GSTO2: variants seen among roughly 807,000 people sequenced by gnomAD.
The protein encoded by GSTO2 is glutathione S-transferase omega 2, also known as glutathione S-transferase omega-2.
A neutral mutation model predicts 28.4 loss-of-function variants in GSTO2; 23 were observed. The ratio of observed to expected loss-of-function variants is 0.81; its 90% CI spans 0.58 to 1.15. The LOEUF (loss-of-function observed/expected upper bound fraction) is 1.15, where lower values mean the gene tolerates loss of function less well. Ranked by LOEUF, GSTO2 falls within the 50% of genes most tolerant of loss-of-function variation. The pLI is 0.00. For synonymous variants in GSTO2, 109 were observed against 111.0 expected (o/e 0.98, Z 0.11); for missense variants, 298 against 297.8 (o/e 1.00, Z 0.00).
At chr10:104,275,506 T>C (rs1323260691) in intron 3 of GSTO2, among the ~76,000 whole-genome samples, 172 bp downstream of exon 3, 2 of 152,184 alleles carry the variant, frequency 1.3e-5, no homozygotes, top group East Asian at 3.8e-4. Flanking sequence ...CGGGCCCTAC[T>C]GAAATGCGGA....
chr10:104,275,536 C>T (rs2011592904), intron 3 of GSTO2, among the ~76,000 whole-genome samples: 1 of 152,144 alleles, frequency 6.6e-6, no homozygotes, highest in Non-Finnish European at 1.5e-5. Flanking sequence ...CGAGTCACGC[C>T]TATGCATGAA....
chr10:104,286,626 C>T (rs2012442149), intron 5 of GSTO2, among the ~76,000 whole-genome samples: 1 of 152,110 alleles, frequency 6.6e-6, no homozygotes, highest in Admixed American at 6.5e-5. Context: ...AACCACCATT[C>T]TTTCACACTT....
At chr10:104,285,980 A>G (rs544594635) in intron 5 of GSTO2, 35 of 360,800 alleles carry the variant, frequency 9.7e-5, no homozygotes, top group South Asian at 2.1e-4. Context: ...CGTCACTGAA[A>G]ACAATTTTCT....
At chr10:104,280,828 A>G (rs759401609) in intron 5 of GSTO2, among the ~76,000 whole-genome samples, 21 of 152,210 alleles carry the variant, frequency 1.4e-4, no homozygotes, top group Non-Finnish European at 2.5e-4. Context: ...TTTGACCTTT[A>G]TCAAGTGGAA....
chr10:104,298,093 G>T (rs1475886279), intron 6 of GSTO2, among the ~76,000 whole-genome samples: 1 of 152,188 alleles, frequency 6.6e-6, no homozygotes, highest in East Asian at 1.9e-4. Flanking sequence ...TCTTCCCCCA[G>T]ATAGGAATAA....
In GSTO2 at chr10:104,304,520, C is replaced by T. The variant is rs897468775; in HGVS notation, c.*5236C>T. On this transcript the variant is annotated 3_prime_UTR_variant, in exon 7 of 7. Transcript: ENST00000338595. The stretch of plus-strand genomic sequence containing the variant: ...CTTTCTTGAGTAAGTTGCTACACCT[C>T]TATTAGCCTCAGTTTCTTATCTGTA... 1.3e-5 allele frequency: 2 copies of T among 152,222 alleles called. No homozygotes were observed. The highest frequency in any genetic ancestry group is 4.8e-5 in the African/African-American group (2 of 41,460). The allele number at this position is 152,222 out of a possible 1,614,324, so 9.4% of individuals were successfully genotyped here.
At position 104,299,545 on chromosome 10, in the gene GSTO2, G is replaced by A. The variant is rs1213862590; in HGVS notation, c.*261G>A. The A allele has an allele frequency of 7.7e-6, 3 of 391,378 alleles. No individual in the cohort carries two copies. Among genetic ancestry groups the A allele is most frequent in the South Asian group, 2.6e-5 (1 of 38,560 alleles). The allele number at this position is 391,378 out of a possible 1,614,324, so 24.2% of individuals were successfully genotyped here. On this transcript the variant is annotated 3_prime_UTR_variant, in exon 7 of 7. Coordinates refer to ENST00000338595, the MANE Select transcript of GSTO2 (RefSeq NM_183239.2). ...CAGGCTGGAGTGCAGTGGGACAGTC[G>A]GCTCACTGCAGCCTTGAACTCCTGG...
chr10:104,289,450 G>A (rs1346533344), intron 5 of GSTO2, among the ~76,000 whole-genome samples: 4 of 152,160 alleles, frequency 2.6e-5, no homozygotes, highest in Non-Finnish European at 5.9e-5. Flanking sequence ...TGCCAGCATA[G>A]AATTTTCAGA....
chr10:104,297,588 A>G lies in GSTO2; in HGVS notation c.479A>G (p.Tyr160Cys). ...TGTTTCCATTTTTAGATTCTTGAGT[A>G]TCAGAACACCACCTTCTTTGGTGGA... Reference protein sequence around the residue: ...EFSNLEEILEYQNTTFFGGTC... With the variant: ...EFSNLEEILECQNTTFFGGTC... Residue 160 changes from tyrosine (Y) to cysteine (C), a missense_variant, in exon 6 of 7, where the codon TAT becomes TGT. Transcript: ENST00000338595. 1.2e-6 allele frequency: 2 copies of G among 1,611,004 alleles called. No individual in the cohort carries two copies. Among genetic ancestry groups the G allele is most frequent in the Non-Finnish European group, 1.7e-6 (2 of 1,177,428 alleles).
At chr10:104,275,456 G>A (rs929034311) in intron 3 of GSTO2, 122 bp downstream of exon 3, 6 of 805,752 alleles carry the variant, frequency 7.4e-6, no homozygotes, top group African/African-American at 1.8e-5. Flanking sequence ...TTTTTTCGGA[G>A]GCAAAGTCAA....
rs1340400510 is a variant in GSTO2, at chr10:104,298,808, T to A, written c.576-320T>A. The stretch of plus-strand genomic sequence containing the variant: ...TTTTGTTGGCAAGCAGTGAAGCACA[T>A]GTAAGTTTCTCAAGCTTTAGAATAT... On this transcript the variant is annotated intron_variant, in intron 6 of 6. Coordinates refer to ENST00000338595, the MANE Select transcript of GSTO2 (RefSeq NM_183239.2). Among the ~76,000 whole-genome samples, 3 of 152,134 alleles carry A rather than the reference T, an allele frequency of 2.0e-5. No homozygotes were observed. In the East Asian group the frequency reaches 5.8e-4, roughly 29 times the overall value.
rs745680850 is a variant in GSTO2, at chr10:104,294,940, A to G, written c.469-2638A>G. ...TACCAAAGGACCCACCATGGGTTCC[A>G]TTAAATGTCTATTTATGGTTTGTTT... On this transcript the variant is annotated intron_variant, in intron 5 of 6. Transcript: ENST00000338595. 3 of 152,252 alleles carry G rather than the reference A, an allele frequency of 2.0e-5. No individual in the cohort carries two copies. The South Asian group carries it at 6.2e-4, about 31-fold the overall frequency. The allele number at this position is 152,252 out of a possible 1,614,324, so 9.4% of individuals were successfully genotyped here.
intron 5 of GSTO2, among the ~76,000 whole-genome samples, chr10:104,290,478 T>C (rs564600622): frequency 6.6e-6 from 1 of 151,744 alleles, no homozygotes; most frequent in Non-Finnish European, 1.5e-5. Context: ...GCACTCCAAC[T>C]TGGGTGACAG....
chr10:104,270,555 AT>A (rs2011347424), intron 1 of GSTO2, among the ~76,000 whole-genome samples: 1 of 152,244 alleles, frequency 6.6e-6, no homozygotes, highest in African/African-American at 2.4e-5. Context: ...GGGAAGCAGA[AT>A]CAAGTAGTTA....
intron 5 of GSTO2, among the ~76,000 whole-genome samples, chr10:104,281,780 G>A (rs895927197): frequency 2.0e-5 from 3 of 152,184 alleles, no homozygotes; most frequent in African/African-American, 4.8e-5. Flanking sequence ...AGCCTGGACA[G>A]GGAGATAGGC....
At chr10:104,298,997 A>C in intron 6 of GSTO2, 131 bp from the exon 7 acceptor site, 1 of 774,526 alleles carries the variant, frequency 1.3e-6, no homozygotes, top group African/African-American at 1.8e-5. Context: ...TTCTCACTTG[A>C]TAATAAGATA....
rs533413819 is a variant in GSTO2, at chr10:104,304,554, C to T, written c.*5270C>T. 7 of 152,320 alleles carry T rather than the reference C, an allele frequency of 4.6e-5. No homozygotes were observed. Among genetic ancestry groups the T allele is most frequent in the East Asian group, 3.9e-4 (2 of 5,186 alleles). 9.4% of individuals were successfully genotyped at this position (152,320 alleles called of 1,614,324 possible). On this transcript the variant is annotated 3_prime_UTR_variant, in exon 7 of 7. Coordinates refer to ENST00000338595, the MANE Select transcript of GSTO2 (RefSeq NM_183239.2). ...TCAGTTTCTTATCTGTAAAATGGGA[C>T]GGCTAAGTACCTATTTCATTGGGCT... is the stretch of plus-strand genomic sequence containing the variant.
At chr10:104,294,347 A>G (rs546572449) in intron 5 of GSTO2, among the ~76,000 whole-genome samples, 1 of 152,290 alleles carries the variant, frequency 6.6e-6, no homozygotes, top group East Asian at 1.9e-4. Context: ...TTAAGGGGAA[A>G]AAGTAATTTT....
intron 5 of GSTO2, chr10:104,285,866 A>C (rs1040958270): frequency 3.6e-6 from 1 of 278,924 alleles, no homozygotes; most frequent in Admixed American, 4.7e-5. Context: ...CTCTTTCTTA[A>C]TTTTTATTAA....
Sources: allele counts gnomAD v4.1 joint callset (sites outside exome capture counted in the v4.1 genomes callset), GRCh38; gene constraint gnomAD v4.1.1; transcripts MANE v1.5; gene names NCBI Gene and HGNC (gene_info 2026-07-23, HGNC 2026-07-21).